The following PROM1 variants were observed in gnomAD, a reference collection of about 807,000 sequenced individuals.
PROM1 encodes prominin 1, also known as prominin-1.
Under a neutral mutation model 116.9 loss-of-function variants are expected in PROM1, and 105 were observed. That is an observed-to-expected ratio of 0.90 (90% confidence interval 0.77 to 1.06). PROM1 has a LOEUF of 1.06. Ranked by LOEUF, PROM1 falls within the 50% of genes least tolerant of loss-of-function variation. The pLI, the probability that PROM1 is intolerant of heterozygous loss-of-function variation, is 0.00. For synonymous variants in PROM1, 393 were observed against 387.0 expected (o/e 1.02, Z -0.18); for missense variants, 1,122 against 1,045.2 (o/e 1.07, Z -1.01).
At chr4:16,056,073 G>A (rs992772530) in intron 2 of PROM1, among the ~76,000 whole-genome samples, 6 of 152,106 alleles carry the variant, frequency 3.9e-5, no homozygotes, top group Non-Finnish European at 5.9e-5. Flanking sequence ...GCAAGCAGGG[G>A]GTTAGGAAAG....
At chr4:16,009,907 C>G (rs1395491291) in intron 11 of PROM1, among the ~76,000 whole-genome samples, 1 of 140,076 alleles carries the variant, frequency 7.1e-6, no homozygotes, top group Admixed American at 7.9e-5. Flanking sequence ...TGTACTCCAG[C>G]CTGGGTGACA....
chr4:16,003,117 C>T, intron 13 of PROM1: 5 of 355,218 alleles, frequency 1.4e-5, no homozygotes, highest in South Asian at 8.6e-5. Context: ...CATTTTCTGA[C>T]CCCCTTTCAA....
chr4:16,019,510 C>T (rs1729271360), intron 8 of PROM1, among the ~76,000 whole-genome samples: 1 of 152,174 alleles, frequency 6.6e-6, no homozygotes, highest in Non-Finnish European at 1.5e-5. Flanking sequence ...ATGTAACCCC[C>T]ATCGTGTATT....
At chr4:16,040,370 G>A (rs776476859) in intron 2 of PROM1, among the ~76,000 whole-genome samples, 4 of 152,206 alleles carry the variant, frequency 2.6e-5, no homozygotes, top group Non-Finnish European at 5.9e-5. Flanking sequence ...CACTGAGGCT[G>A]TCTAATCCCC....
At chr4:15,989,568 G>C (rs368877055) in intron 19 of PROM1, among the ~76,000 whole-genome samples, 164 bp downstream of exon 19, 9 of 152,198 alleles carry the variant, frequency 5.9e-5, no homozygotes, top group African/African-American at 2.2e-4. Context: ...AGCAGAGGGA[G>C]GTGCAATTAT....
rs973766141 is a variant in PROM1 at position 16,012,689 on chromosome 4, T to C, written c.1141+586A>G. Among the ~76,000 whole-genome samples the C allele has an allele frequency of 2.6e-5, 4 of 151,902 alleles. No homozygotes were observed. In the East Asian group the frequency reaches 7.8e-4, roughly 30 times the overall value. On this transcript the variant is annotated intron_variant, in intron 11 of 27. Transcript: ENST00000447510. The stretch of plus-strand genomic sequence containing the variant: ...ATCGAGACCATCCTGGCTAACACAG[T>C]GAAACCCCATCTCTACTAAAAATAC...
intron 2 of PROM1, among the ~76,000 whole-genome samples, chr4:16,040,884 T>C (rs947079533): frequency 1.3e-5 from 2 of 152,196 alleles, no homozygotes; most frequent in Admixed American, 1.3e-4. Context: ...CCATTCACTT[T>C]TTTTTTTCCC....
At chr4:16,013,471 T>C (rs765170265) in intron 10 of PROM1, 133 bp from the exon 11 acceptor site, 2 of 653,004 alleles carry the variant, frequency 3.1e-6, no homozygotes, top group Non-Finnish European at 5.5e-6. Context: ...GGTGAAATGA[T>C]CATTATATGG....
intron 3 of PROM1, among the ~76,000 whole-genome samples, chr4:16,036,281 G>A (rs965786953): frequency 3.3e-5 from 5 of 152,088 alleles, no homozygotes; most frequent in Non-Finnish European, 7.4e-5. Context: ...ATAAAATTAG[G>A]TGGCTCTATG....
chr4:15,994,227 CAG>C (rs1721763214), intron 15 of PROM1, among the ~76,000 whole-genome samples, 156 bp from the exon 16 acceptor site: 2 of 152,180 alleles, frequency 1.3e-5, no homozygotes, highest in African/African-American at 4.8e-5. Flanking sequence ...ACAAATCCCC[CAG>C]CACCCACCAC....
At position 16,006,598 on chromosome 4, in the gene PROM1, C is replaced by T. The variant is rs1725561364; in HGVS notation, c.1394G>A (p.Arg465Lys). 6.2e-7 allele frequency: 1 copy of T among 1,608,422 alleles called. No individual in the cohort carries two copies. Among genetic ancestry groups the T allele is most frequent in the African/African-American group, 1.3e-5 (1 of 74,838 alleles). The change falls in exon 13 of 28, where the codon AGG (arginine) becomes AAG (lysine). Residue 465 changes from arginine (R) to lysine (K), a missense_variant. Arg to Lys is a conservative substitution (Grantham distance 26). Transcript: ENST00000447510. ...GCCTCGGGTGGTCGGGGTGGCATGC[C>T]TGTCATAGCCGCACACGCCACACAG... ...GLLCGVCGYD[R>K]HATPTTRGCV...
At chr4:16,053,893 A>G (rs3857151) in intron 2 of PROM1, among the ~76,000 whole-genome samples, 122,543 of 152,084 alleles carry the variant, frequency 0.81, 50,309 homozygotes, top group East Asian at 0.94. Context: ...TCAGGAGATC[A>G]AGACCAGTGT....
At chr4:16,013,799 C>T (rs561919497) in intron 10 of PROM1, among the ~76,000 whole-genome samples, 7 of 152,184 alleles carry the variant, frequency 4.6e-5, no homozygotes, top group South Asian at 4.2e-4. Context: ...GGAGAGCCCC[C>T]GCCGCTAACA....
Position 15,984,271 on chromosome 4 carries a change from C to A in PROM1, c.2365G>T (p.Asp789Tyr), listed in dbSNP as rs532125484. The A allele has an allele frequency of 1.3e-6, 2 of 1,597,370 alleles. No individual in the cohort carries two copies. Among genetic ancestry groups the A allele is most frequent in the South Asian group, 1.1e-5 (1 of 89,024 alleles). ...GAAAGATGAAATCTTACCAAGGGGT[C>A]GATAATGTAGCTACACAGAAAGACA... is the stretch of plus-strand genomic sequence containing the variant. Reference protein sequence around the residue: ...VDVFLCSYIIDPLNLFWFGIG... With the variant: ...VDVFLCSYIIYPLNLFWFGIG... The change falls in exon 23 of 28, where the codon GAC becomes TAC. Residue 789 changes from aspartate to tyrosine, a missense_variant. Transcript: ENST00000447510.
At chr4:16,053,007 A>G (rs567994430) in intron 2 of PROM1, among the ~76,000 whole-genome samples, 3 of 152,374 alleles carry the variant, frequency 2.0e-5, no homozygotes, top group African/African-American at 7.2e-5. Flanking sequence ...TAATTTGAAT[A>G]AAAGCTATAA....
At chr4:15,976,036 T>C (rs1402580524) in intron 26 of PROM1, among the ~76,000 whole-genome samples, 1 of 152,208 alleles carries the variant, frequency 6.6e-6, no homozygotes, top group African/African-American at 2.4e-5. Context: ...CATTAGTATA[T>C]CCCTAGCCCC....
intron 2 of PROM1, among the ~76,000 whole-genome samples, chr4:16,044,284 C>A (rs1285974699): frequency 6.6e-6 from 1 of 152,086 alleles, no homozygotes; most frequent in East Asian, 1.9e-4. Flanking sequence ...AAATTCTATC[C>A]CTATAATGTT....
intron 26 of PROM1, 93 bp downstream of exon 26, chr4:15,979,302 G>A (rs1717106120): frequency 7.6e-6 from 12 of 1,580,436 alleles, no homozygotes; most frequent in South Asian, 6.9e-5. Flanking sequence ...GAGAAGTGAA[G>A]GCATCAGCAG....
At chr4:16,079,034 G>T (rs1310497306) in intron 1 of PROM1, among the ~76,000 whole-genome samples, 1 of 151,950 alleles carries the variant, frequency 6.6e-6, no homozygotes, top group Non-Finnish European at 1.5e-5. Context: ...TTTCCAAAGG[G>T]CTCCCTTCAA....
Sources: allele counts gnomAD v4.1 joint callset (sites outside exome capture counted in the v4.1 genomes callset), GRCh38; gene constraint gnomAD v4.1.1; transcripts MANE v1.5; gene names NCBI Gene and HGNC (gene_info 2026-07-23, HGNC 2026-07-21).